UTRN: variants seen among roughly 807,000 people sequenced by gnomAD.
UTRN encodes dystrophin-related protein 1.
In UTRN, 283 loss-of-function variants were observed where a neutral mutation model predicts 463.9. The observed-to-expected ratio is 0.61, with a 90% CI of 0.55 to 0.67. The LOEUF is 0.67. UTRN is among the 30% of genes least tolerant of loss of function. The pLI, the probability that UTRN is intolerant of heterozygous loss-of-function variation, is 0.00. For synonymous variants in UTRN, 1,442 were observed against 1,431.5 expected, an observed-to-expected ratio of 1.01 and a Z score of -0.17; for missense variants, 3,922 against 4,084.3, an observed-to-expected ratio of 0.96 and a Z score of 1.08.
chr6:144,779,564 G>A (rs897011012), intron 60 of UTRN, among the ~76,000 whole-genome samples: 2 of 152,182 alleles, frequency 1.3e-5, no homozygotes, highest in African/African-American at 2.4e-5. Context: ...TTGACTTCAT[G>A]TTGATTAATC....
At chr6:144,340,245 T>C (rs1777044579) in intron 2 of UTRN, among the ~76,000 whole-genome samples, 1 of 152,188 alleles carries the variant, frequency 6.6e-6, no homozygotes, top group Non-Finnish European at 1.5e-5. Flanking sequence ...TTGCATTTAG[T>C]CTCCCTGGTG....
intron 59 of UTRN, among the ~76,000 whole-genome samples, chr6:144,772,793 A>G (rs1006754893): frequency 3.3e-5 from 5 of 152,196 alleles, no homozygotes; most frequent in African/African-American, 1.2e-4. Flanking sequence ...TTCTAGTGCA[A>G]TGTGGCTTTC....
rs1472448349 is a variant in UTRN, at chr6:144,732,259, C to CATATAT, written c.7939+1774_7939+1775insTATATA. Among the ~76,000 whole-genome samples, 4 of 94,708 alleles carry CATATAT rather than the reference C, an allele frequency of 4.2e-5. No individual in the cohort carries two copies. In the South Asian group the frequency reaches 1.2e-3, roughly 28 times the overall value. 62.1% of individuals were successfully genotyped at this position (94,708 alleles called of 152,430 possible). ...ATATACATATATATATATATATATA[C>CATATAT]ACACATATATATATATATACACACA... On this transcript the variant is annotated intron_variant, in intron 54 of 74. Coordinates refer to ENST00000367545, the MANE Select transcript of UTRN (RefSeq NM_007124.3).
intron 51 of UTRN, among the ~76,000 whole-genome samples, chr6:144,592,229 G>A (rs915586481): frequency 6.6e-6 from 1 of 152,048 alleles, no homozygotes; most frequent in Non-Finnish European, 1.5e-5. Flanking sequence ...AGGTAACTAG[G>A]TTGTTACCAA....
chr6:144,665,947 G>T (rs4392731), intron 51 of UTRN, among the ~76,000 whole-genome samples: 8,228 of 152,200 alleles, frequency 0.054, 244 homozygotes, highest in African/African-American at 0.072. Context: ...CTGTGCACAT[G>T]ACTGGCTTAT....
At position 144,473,852 on chromosome 6, in the gene UTRN, G is replaced by A. The variant is rs1790916316; in HGVS notation, c.3180+19G>A. ...GTGCTCTGTGAGTTCTGCTGATCTG[G>A]GGAACTTGTCATAAATAACATTTTG... On this transcript the variant is annotated intron_variant, in intron 24 of 74. Coordinates refer to ENST00000367545, the MANE Select transcript of UTRN (RefSeq NM_007124.3). The A allele has an allele frequency of 6.4e-7, 1 of 1,557,864 alleles. No homozygotes were observed. The highest frequency in any genetic ancestry group is 8.8e-7 in the Non-Finnish European group (1 of 1,135,220).
chr6:144,441,910 C>T (rs1229264895), intron 13 of UTRN, among the ~76,000 whole-genome samples: 1 of 152,188 alleles, frequency 6.6e-6, no homozygotes, highest in African/African-American at 2.4e-5. Flanking sequence ...ATGGCCTGAG[C>T]TGTACCTTTG....
chr6:144,308,375 C>T (rs1436163965), intron 2 of UTRN, among the ~76,000 whole-genome samples: 2 of 152,310 alleles, frequency 1.3e-5, no homozygotes, highest in East Asian at 3.9e-4. Context: ...TGGCTCACTG[C>T]AACCTCCGCC....
chr6:144,436,544 T>C (rs543579694), intron 10 of UTRN, among the ~76,000 whole-genome samples: 17 of 152,126 alleles, frequency 1.1e-4, no homozygotes, highest in Admixed American at 5.9e-4. Flanking sequence ...GTTCCTGTAT[T>C]TTTTCATATC....
At position 144,534,917 on chromosome 6, in the gene UTRN, G is replaced by A. The variant is rs188269396; in HGVS notation, c.6233+1657G>A. Among the ~76,000 whole-genome samples, 4 of 152,280 alleles carry A rather than the reference G, an allele frequency of 2.6e-5. No individual in the cohort carries two copies. In the East Asian group the frequency reaches 7.7e-4, roughly 29 times the overall value. ...CAGAAGAAGTAAAACAGCAGAGGTG[G>A]GAGGCATAAATAGCATCGTCGTGTG... On this transcript the variant is annotated intron_variant, in intron 43 of 74. Transcript: ENST00000367545.
At chr6:144,420,426 G>A (rs948592828) in intron 3 of UTRN, among the ~76,000 whole-genome samples, 2 of 152,126 alleles carry the variant, frequency 1.3e-5, no homozygotes, top group Admixed American at 6.5e-5. Flanking sequence ...ACTTAAAGCC[G>A]AGGCTTCCTG....
chr6:144,792,250 A>G (rs970327678), intron 62 of UTRN, among the ~76,000 whole-genome samples: 9 of 152,140 alleles, frequency 5.9e-5, no homozygotes, highest in Admixed American at 5.9e-4. Flanking sequence ...TATTCCTTAT[A>G]AAAAGAGAGA....
At chr6:144,581,975 T>A (rs1802009679) in intron 51 of UTRN, among the ~76,000 whole-genome samples, 1 of 152,200 alleles carries the variant, frequency 6.6e-6, no homozygotes, top group African/African-American at 2.4e-5. Flanking sequence ...ACAGATATGG[T>A]GACATTGTTA....
intron 54 of UTRN, among the ~76,000 whole-genome samples, chr6:144,731,618 T>C (rs963724037): frequency 6.6e-6 from 1 of 152,212 alleles, no homozygotes; most frequent in African/African-American, 2.4e-5. Flanking sequence ...TCAGTCCGAA[T>C]AAATTTCCCA....
At chr6:144,357,552 T>G (rs977769507) in intron 2 of UTRN, among the ~76,000 whole-genome samples, 1 of 152,240 alleles carries the variant, frequency 6.6e-6, no homozygotes, top group Non-Finnish European at 1.5e-5. Context: ...GATTCTATGG[T>G]ATCCATTTTC....
At chr6:144,637,572 T>G (rs10434891) in intron 51 of UTRN, among the ~76,000 whole-genome samples, 12,074 of 152,140 alleles carry the variant, frequency 0.079, 788 homozygotes, top group East Asian at 0.22. Context: ...TAACCACTGT[T>G]TCTTATACAG....
chr6:144,462,603 T>A (rs1440683671), intron 22 of UTRN, 51 bp from the exon 23 acceptor site: 2 of 1,501,636 alleles, frequency 1.3e-6, no homozygotes, highest in Admixed American at 4.8e-5. Context: ...TTACTATATC[T>A]GTGCAGACAC....
At chr6:144,593,634 C>T (rs963488327) in intron 51 of UTRN, among the ~76,000 whole-genome samples, 2 of 152,214 alleles carry the variant, frequency 1.3e-5, no homozygotes, top group Non-Finnish European at 2.9e-5. Flanking sequence ...TCAGCCATGA[C>T]TTGGCCTTAG....
intron 52 of UTRN, among the ~76,000 whole-genome samples, chr6:144,698,601 A>G (rs1784250753): frequency 6.6e-6 from 1 of 152,228 alleles, no homozygotes; most frequent in Non-Finnish European, 1.5e-5. Context: ...TGCAGGATTG[A>G]GTCAAGCCCA....
Sources: allele counts gnomAD v4.1 joint callset (sites outside exome capture counted in the v4.1 genomes callset), GRCh38; gene constraint gnomAD v4.1.1; transcripts MANE v1.5; gene names NCBI Gene and HGNC (gene_info 2026-07-23, HGNC 2026-07-21).